FAM110B: variants seen among roughly 807,000 people sequenced by gnomAD.
FAM110B encodes the protein protein FAM110B.
FAM110B carries 6 observed loss-of-function variants against 20.4 expected under a neutral mutation model. The ratio of observed to expected loss-of-function variants is 0.29; its 90% CI spans 0.16 to 0.58. The LOEUF (loss-of-function observed/expected upper bound fraction) is 0.58, where lower values mean the gene tolerates loss of function less well. Ranked by LOEUF, FAM110B falls within the 20% of genes least tolerant of loss-of-function variation. The pLI is 0.90. For synonymous variants in FAM110B, 226 were observed against 214.1 expected (o/e 1.06, Z -0.49); for missense variants, 434 against 498.2 (o/e 0.87, Z 1.23).
At chr8:58,021,646 C>T (rs1357105553) in intron 1 of FAM110B, among the ~76,000 whole-genome samples, 1 of 152,046 alleles carries the variant, frequency 6.6e-6, no homozygotes, top group African/African-American at 2.4e-5. Flanking sequence ...CACTTTTAAC[C>T]ACTGTGCTAT....
intron 3 of FAM110B, among the ~76,000 whole-genome samples, chr8:58,083,535 A>C (rs1806254479): frequency 6.6e-6 from 1 of 152,200 alleles, no homozygotes; most frequent in African/African-American, 2.4e-5. Flanking sequence ...GTGGACTCAC[A>C]GATTCAATAT....
chr8:58,060,572 G>A (rs1805635214), intron 2 of FAM110B, among the ~76,000 whole-genome samples: 1 of 152,114 alleles, frequency 6.6e-6, no homozygotes. Context: ...TGCCAATGGA[G>A]TATTTTTTTT....
chr8:58,117,276 CAGAT>C (rs1331802325), intron 3 of FAM110B, among the ~76,000 whole-genome samples: 20 of 152,200 alleles, frequency 1.3e-4, no homozygotes, highest in African/African-American at 4.8e-4. Context: ...CAGCTGGACA[CAGAT>C]ACTTTATTCT....
chr8:58,081,596 A>G (rs1483558366), intron 3 of FAM110B, among the ~76,000 whole-genome samples: 1 of 152,056 alleles, frequency 6.6e-6, no homozygotes, highest in Non-Finnish European at 1.5e-5. Flanking sequence ...TTAAATTCCA[A>G]AGCCACCTCT....
intron 1 of FAM110B, among the ~76,000 whole-genome samples, chr8:58,009,269 G>A (rs1040988163): frequency 4.6e-5 from 7 of 152,180 alleles, no homozygotes; most frequent in Non-Finnish European, 1.0e-4. Context: ...GCAGATGGGA[G>A]CGAAGTACCA....
chr8:58,082,747 G>T (rs1015863992), intron 3 of FAM110B, among the ~76,000 whole-genome samples: 1 of 152,090 alleles, frequency 6.6e-6, no homozygotes, highest in Non-Finnish European at 1.5e-5. Context: ...GGAGGCTGAG[G>T]TGGGAGGATC....
At chr8:58,061,570 C>T (rs1038216606) in intron 2 of FAM110B, among the ~76,000 whole-genome samples, 1 of 152,134 alleles carries the variant, frequency 6.6e-6, no homozygotes. Flanking sequence ...GGAATGTAAT[C>T]GAATACTTGA....
chr8:58,143,755 G>C (rs1214591835), intron 3 of FAM110B, among the ~76,000 whole-genome samples: 1 of 152,218 alleles, frequency 6.6e-6, no homozygotes, highest in Admixed American at 6.5e-5. Context: ...GTGCATGGAA[G>C]GCCACGCCAG....
At chr8:58,042,440 A>G (rs1043078828) in intron 2 of FAM110B, among the ~76,000 whole-genome samples, 1 of 152,128 alleles carries the variant, frequency 6.6e-6, no homozygotes. Context: ...TACACAACCT[A>G]TCTATTCCTA....
At chr8:58,126,784 TA>T (rs1320307243) in intron 3 of FAM110B, among the ~76,000 whole-genome samples, 2 of 152,210 alleles carry the variant, frequency 1.3e-5, no homozygotes. Flanking sequence ...GAACTCTTTG[TA>T]TGTTCTAGAT....
rs183776163 is a variant in FAM110B, at chr8:58,056,794, T to C, written c.-413-18741T>C. On this transcript the variant is annotated intron_variant, in intron 2 of 3. Coordinates refer to ENST00000519262, the MANE Select transcript of FAM110B (RefSeq NM_001377989.1). ...TTTTGGTTGTTGGTGTGTGTTCCAG[T>C]ATGGTAATGGTGGGTCCCCTTTCCC... Among the ~76,000 whole-genome samples the C allele has an allele frequency of 1.4e-3, 211 of 152,286 alleles. 1 individual carries two copies. Among genetic ancestry groups the C allele is most frequent in the African/African-American group, 4.7e-3 (194 of 41,548 alleles).
At position 58,033,418 on chromosome 8, in the gene FAM110B, A is replaced by G. The variant is rs185152727; in HGVS notation, c.-414+1715A>G. Among the ~76,000 whole-genome samples, 80 of 152,332 alleles carry G rather than the reference A, an allele frequency of 5.3e-4. No individual in the cohort carries two copies. In the East Asian group the frequency reaches 0.013, roughly 25 times the overall value. On this transcript the variant is annotated intron_variant, in intron 2 of 3. Transcript: ENST00000519262. ...TTATTTCCCTTCAGTTATACACCCA[A>G]TAATGGGATTGCTGGGTCAAATGGT...
chr8:57,995,085 G>A (rs1804154424), intron 1 of FAM110B, among the ~76,000 whole-genome samples: 1 of 152,246 alleles, frequency 6.6e-6, no homozygotes, highest in Non-Finnish European at 1.5e-5. Context: ...GCTCGGCTTG[G>A]CTGCACGTCC....
At chr8:58,029,947 C>A (rs1804932932) in intron 1 of FAM110B, among the ~76,000 whole-genome samples, 1 of 152,154 alleles carries the variant, frequency 6.6e-6, no homozygotes, top group South Asian at 2.1e-4. Context: ...CAGCTCTTTG[C>A]TATTTTCTCC....
chr8:58,045,609 A>T (rs1437348311), intron 2 of FAM110B, among the ~76,000 whole-genome samples: 1 of 152,146 alleles, frequency 6.6e-6, no homozygotes, highest in Non-Finnish European at 1.5e-5. Flanking sequence ...CATCTGACAG[A>T]CATGTTTCAT....
At chr8:58,111,855 G>A (rs949503599) in intron 3 of FAM110B, among the ~76,000 whole-genome samples, 2 of 152,080 alleles carry the variant, frequency 1.3e-5, no homozygotes, top group Non-Finnish European at 2.9e-5. Flanking sequence ...CTGGCATTGG[G>A]CTAGGTACTT....
chr8:58,126,614 G>C (rs1323624437), intron 3 of FAM110B, among the ~76,000 whole-genome samples: 1 of 152,102 alleles, frequency 6.6e-6, no homozygotes, highest in African/African-American at 2.4e-5. Flanking sequence ...TCTAACAAGT[G>C]TGTAGTGATA....
chr8:58,053,950 C>T (rs1805504963), intron 2 of FAM110B, among the ~76,000 whole-genome samples: 1 of 152,180 alleles, frequency 6.6e-6, no homozygotes, highest in African/African-American at 2.4e-5. Context: ...TTCAGAACTC[C>T]AGTGCTGCCA....
rs191858717 is a variant in FAM110B, at chr8:58,015,875, G to C, written c.-511-15731G>C. ...AAAAAAAAAAAGAAAAAGAAAAAAG[G>C]CATGAGGATTTCAAGTGAAATCCAG... On this transcript the variant is annotated intron_variant, in intron 1 of 3. Transcript: ENST00000519262. Among the ~76,000 whole-genome samples the C allele has an allele frequency of 2.6e-5, 4 of 151,556 alleles. No individual in the cohort carries two copies. The East Asian group carries it at 7.8e-4, about 29-fold the overall frequency.
Sources: gnomAD v4.1 joint callset for allele counts (sites outside exome capture counted in the v4.1 genomes callset) on GRCh38, gnomAD v4.1.1 for gene constraint, MANE v1.5 for transcripts, NCBI Gene and HGNC (gene_info 2026-07-23, HGNC 2026-07-21) for gene names.